The following TBC1D22A variants were observed in gnomAD, a reference collection of about 807,000 sequenced individuals.
TBC1D22A encodes TBC1 domain family member 22A, also known as putative GTPase activator.
In TBC1D22A, 38 loss-of-function variants were observed where a neutral mutation model predicts 60.2. The observed-to-expected ratio is 0.63, with a 90% CI of 0.49 to 0.83. TBC1D22A has a LOEUF of 0.83. Among genes scored for constraint, TBC1D22A ranks in the 40% least tolerant of loss-of-function variants. The probability of loss-of-function intolerance (pLI) is 0.00; values close to 1 mark genes in which losing one functional copy is unlikely to be tolerated. For missense variants in TBC1D22A, 628 were observed against 701.0 expected, an observed-to-expected ratio of 0.90 and a Z score of 1.18; for synonymous variants, 302 against 281.7, an observed-to-expected ratio of 1.07 and a Z score of -0.72.
intron 11 of TBC1D22A, among the ~76,000 whole-genome samples, chr22:47,054,226 G>A (rs1402647609): frequency 1.3e-5 from 2 of 152,226 alleles, no homozygotes; most frequent in African/African-American, 4.8e-5. Flanking sequence ...CAGGAAAAAA[G>A]CAAGATGTTG....
intron 12 of TBC1D22A, among the ~76,000 whole-genome samples, chr22:47,159,288 T>C (rs568798226): frequency 2.1e-5 from 3 of 140,582 alleles, no homozygotes; most frequent in African/African-American, 8.2e-5. Flanking sequence ...ATACACACAC[T>C]ACACACCCCA....
At chr22:46,866,653 C>G (rs572323613) in intron 4 of TBC1D22A, among the ~76,000 whole-genome samples, 1 of 152,366 alleles carries the variant, frequency 6.6e-6, no homozygotes, top group East Asian at 1.9e-4. Flanking sequence ...AAGATCATCT[C>G]TAATGAGAAG....
intron 11 of TBC1D22A, among the ~76,000 whole-genome samples, chr22:47,082,746 T>C (rs8137044): frequency 0.011 from 1,639 of 152,344 alleles, 24 homozygotes; most frequent in African/African-American, 0.037. Context: ...CTGACAAGTA[T>C]GTGGCTCAGC....
intron 8 of TBC1D22A, among the ~76,000 whole-genome samples, chr22:46,968,522 G>GA (rs1202923797): frequency 7.4e-5 from 11 of 148,622 alleles, no homozygotes; most frequent in Non-Finnish European, 1.2e-4. Context: ...TGAGTGGGCA[G>GA]GCGTCCTCAC....
intron 11 of TBC1D22A, among the ~76,000 whole-genome samples, chr22:47,084,298 A>G (rs1051988953): frequency 2.0e-5 from 3 of 152,206 alleles, no homozygotes; most frequent in Non-Finnish European, 4.4e-5. Flanking sequence ...TCATTGCAGA[A>G]TTCTTCCCGA....
chr22:47,144,634 G>A (rs1013481288), intron 12 of TBC1D22A, among the ~76,000 whole-genome samples: 4 of 152,242 alleles, frequency 2.6e-5, no homozygotes, highest in African/African-American at 7.2e-5. Context: ...GAGGCGCGTC[G>A]GTGTTACTGT....
At chr22:47,055,190 GC>G (rs2063354469) in intron 11 of TBC1D22A, among the ~76,000 whole-genome samples, 1 of 152,236 alleles carries the variant, frequency 6.6e-6, no homozygotes, top group African/African-American at 2.4e-5. Context: ...CCTGCTTGGG[GC>G]TCTGCCCCTA....
intron 12 of TBC1D22A, among the ~76,000 whole-genome samples, chr22:47,156,971 G>A (rs2076647420): frequency 6.6e-6 from 1 of 152,242 alleles, no homozygotes; most frequent in African/African-American, 2.4e-5. Flanking sequence ...GTGCATCAGT[G>A]TGGGTTGCAC....
In TBC1D22A at chr22:46,769,111, A is replaced by G. The variant is rs550621556; in HGVS notation, c.62+6263A>G. Among the ~76,000 whole-genome samples the G allele has an allele frequency of 2.1e-3, 311 of 151,106 alleles. 1 individual carries two copies. Among genetic ancestry groups the G allele is most frequent in the African/African-American group, 7.3e-3 (301 of 40,964 alleles). On this transcript the variant is annotated intron_variant, in intron 1 of 12. Coordinates refer to ENST00000337137, the MANE Select transcript of TBC1D22A (RefSeq NM_014346.5). ...TCTGTCTCAAAAAAAAAAAAAAAAA[A>G]AAAAAGAAAGTGTTATGGTAGCAAG...
intron 12 of TBC1D22A, among the ~76,000 whole-genome samples, chr22:47,127,565 A>G (rs2066509633): frequency 6.6e-6 from 1 of 151,860 alleles, no homozygotes; most frequent in South Asian, 2.1e-4. Flanking sequence ...GGCTTTCATT[A>G]TTGCAGCGAG....
intron 12 of TBC1D22A, among the ~76,000 whole-genome samples, chr22:47,168,657 A>G (rs5767557): frequency 0.97 from 146,189 of 150,704 alleles, 70,936 homozygotes; most frequent in East Asian, 1. Flanking sequence ...AGGGTCTCGA[A>G]GGAACCCAGG....
intron 11 of TBC1D22A, among the ~76,000 whole-genome samples, chr22:47,057,715 C>T (rs1020582671): frequency 1.5e-4 from 23 of 152,306 alleles, no homozygotes; most frequent in African/African-American, 5.3e-4. Flanking sequence ...ATGAGACTTA[C>T]TCACTATCGC....
At chr22:46,997,606 A>C in intron 9 of TBC1D22A, 28 bp from the exon 10 acceptor site, 1 of 1,590,728 alleles carries the variant, frequency 6.3e-7, no homozygotes. Context: ...TTATATGCAT[A>C]TGATTCACAT....
chr22:46,953,899 C>T (rs1024012599), intron 8 of TBC1D22A, among the ~76,000 whole-genome samples: 2 of 152,154 alleles, frequency 1.3e-5, no homozygotes, highest in Admixed American at 1.3e-4. Context: ...AGGGAGGTGG[C>T]ATTTTTCCAT....
At chr22:47,069,105 G>T (rs778775930) in intron 11 of TBC1D22A, among the ~76,000 whole-genome samples, 3 of 152,126 alleles carry the variant, frequency 2.0e-5, no homozygotes, top group Non-Finnish European at 4.4e-5. Flanking sequence ...ACATTAAGTG[G>T]CTAATTATAT....
intron 11 of TBC1D22A, among the ~76,000 whole-genome samples, chr22:47,092,800 A>G (rs1200929194): frequency 2.6e-5 from 4 of 152,254 alleles, no homozygotes; most frequent in Admixed American, 2.0e-4. Context: ...CTTCAAAGAA[A>G]AAATAATCAG....
At chr22:46,770,579 T>C (rs1186544201) in intron 1 of TBC1D22A, among the ~76,000 whole-genome samples, 1 of 152,222 alleles carries the variant, frequency 6.6e-6, no homozygotes, top group East Asian at 1.9e-4. Context: ...CAGGAGTACC[T>C]TGGTCAGCGG....
chr22:46,859,095 C>T (rs971938109), intron 4 of TBC1D22A, among the ~76,000 whole-genome samples: 126 of 135,298 alleles, frequency 9.3e-4, no homozygotes, highest in African/African-American at 3.5e-3. Context: ...AGTGCTGTGC[C>T]CCTTCCCGGG....
In TBC1D22A at chr22:46,910,241, G is replaced by A. The variant is rs185543756; in HGVS notation, c.901-1833G>A. On this transcript the variant is annotated intron_variant, in intron 7 of 12. Transcript: ENST00000337137. ...ACAGCCGTGTGCACTGCATGCTAGCGTGGGGTGGCGGGGGGCCTGGACTTT... is the reference window on the plus strand; with the variant it reads ...ACAGCCGTGTGCACTGCATGCTAGCATGGGGTGGCGGGGGGCCTGGACTTT... Among the ~76,000 whole-genome samples the A allele has an allele frequency of 4.0e-3, 606 of 152,280 alleles. 5 individuals are homozygous for A. Among genetic ancestry groups the A allele is most frequent in the African/African-American group, 0.014 (581 of 41,550 alleles).
Sources: gnomAD v4.1 joint callset for allele counts (sites outside exome capture counted in the v4.1 genomes callset) on GRCh38, gnomAD v4.1.1 for gene constraint, MANE v1.5 for transcripts, NCBI Gene and HGNC (gene_info 2026-07-23, HGNC 2026-07-21) for gene names.